The following ABHD5 variants were observed in gnomAD, a reference collection of about 807,000 sequenced individuals.
ABHD5 encodes abhydrolase domain containing 5, lysophosphatidic acid acyltransferase.
In ABHD5, 30 loss-of-function variants were observed where a neutral mutation model predicts 44.9. The ratio of observed to expected loss-of-function variants is 0.67; its 90% confidence interval spans 0.50 to 0.91. ABHD5 has a LOEUF of 0.91. Among genes scored for constraint, ABHD5 ranks in the 40% least tolerant of loss-of-function variants. The pLI is 0.00. For synonymous variants in ABHD5, 167 were observed against 147.0 expected, an observed-to-expected ratio of 1.14 and a Z score of -0.99; for missense variants, 399 against 423.4, an observed-to-expected ratio of 0.94 and a Z score of 0.50.
Position 43,730,643 on chromosome 3 carries a change from C to T in ABHD5, c.*30-3237C>T, listed in dbSNP as rs567399059. Reference sequence around the variant, plus strand: ...CCCTCAGCCTCCTGAGTAGCTAGGACCATAGGCACATGTCACCACATCTGG... The same window carrying T: ...CCCTCAGCCTCCTGAGTAGCTAGGATCATAGGCACATGTCACCACATCTGG... On this transcript the variant is annotated intron_variant, in intron 7 of 7. Transcript: ENST00000454293. Among the ~76,000 whole-genome samples the T allele has an allele frequency of 4.4e-4, 67 of 151,732 alleles. 3 individuals are homozygous for T. In the South Asian group the frequency reaches 0.01, roughly 24 times the overall value.
chr3:43,730,499 CTTTTTTTTT>C (rs68058215), intron 7 of ABHD5, among the ~76,000 whole-genome samples: 8 of 68,972 alleles, frequency 1.2e-4, no homozygotes, highest in African/African-American at 1.7e-4. Flanking sequence ...AAAATAATCC[CTTTTTTTTT>C]TTTTTTTTTT....
chr3:43,702,525 CT>C lies in ABHD5; in HGVS notation c.446del (p.Leu149CysfsTer6). ...GTGCCCTAGGATTGGACAAAATGAT[CT>C]TGCTTGGGCACAACCTAGGTGGATT... The part of the protein sequence containing the change: ...RCALGLDKMI[L>X]LGHNLGGFLA... On this transcript the variant is annotated frameshift_variant, in exon 3 of 7. Transcript: ENST00000644371. LOFTEE classifies it high-confidence loss of function. The C allele has an allele frequency of 1.2e-6, 2 of 1,614,194 alleles. No individual in the cohort carries two copies. Among genetic ancestry groups the C allele is most frequent in the Non-Finnish European group, 1.7e-6 (2 of 1,180,036 alleles).
intron 3 of ABHD5, among the ~76,000 whole-genome samples, chr3:43,711,440 C>T (rs1416852885): frequency 6.6e-6 from 1 of 152,146 alleles, no homozygotes; most frequent in Non-Finnish European, 1.5e-5. Context: ...TCAAGAAACA[C>T]ACAGTTCTGT....
intron 5 of ABHD5, 31 bp from the exon 6 acceptor site, chr3:43,717,640 A>T (rs1288037749): frequency 1.9e-6 from 3 of 1,612,464 alleles, no homozygotes; most frequent in Non-Finnish European, 2.5e-6. Context: ...CCCAAAAATC[A>T]TACATCGTGA....
At chr3:43,732,250 A>G (rs1697248835) in intron 7 of ABHD5, among the ~76,000 whole-genome samples, 2 of 151,998 alleles carry the variant, frequency 1.3e-5, no homozygotes. Context: ...GGCCAACATG[A>G]TGAAACCTTG....
At chr3:43,727,400 A>G (rs1363040980), downstream of ABHD5, among the ~76,000 whole-genome samples, 3 of 152,244 alleles carry the variant, frequency 2.0e-5, no homozygotes, top group Non-Finnish European at 2.9e-5. Context: ...GACTTTGAGA[A>G]TAAGTCTTTT....
At chr3:43,726,531 C>T (rs967302888), downstream of ABHD5, among the ~76,000 whole-genome samples, 1 of 152,176 alleles carries the variant, frequency 6.6e-6, no homozygotes, top group African/African-American at 2.4e-5. Flanking sequence ...ATGGCGTCTT[C>T]CTTATCAAAG....
chr3:43,695,147 TC>T (rs1197173097), intron 1 of ABHD5: 1 of 152,216 alleles, frequency 6.6e-6, no homozygotes, highest in Non-Finnish European at 1.5e-5. Context: ...CACCTCAGCC[TC>T]CCAAAGTACG....
chr3:43,729,493 A>G (rs2084899289), intron 7 of ABHD5, among the ~76,000 whole-genome samples: 1 of 152,224 alleles, frequency 6.6e-6, no homozygotes, highest in Non-Finnish European at 1.5e-5. Flanking sequence ...TGAAGCCCAG[A>G]GAGGTTAAGT....
chr3:43,709,699 C>A (rs981662107), intron 3 of ABHD5, among the ~76,000 whole-genome samples: 1 of 152,086 alleles, frequency 6.6e-6, no homozygotes, highest in African/African-American at 2.4e-5. Context: ...TACTCATACC[C>A]CTGTTAGGCC....
intron 3 of ABHD5, among the ~76,000 whole-genome samples, chr3:43,705,498 G>A (rs978081333): frequency 6.6e-6 from 1 of 152,150 alleles, no homozygotes; most frequent in African/African-American, 2.4e-5. Flanking sequence ...ATATTTTACA[G>A]AATTAAGCAA....
At chr3:43,723,311 C>T (rs1194992986), downstream of ABHD5, among the ~76,000 whole-genome samples, 12 of 151,920 alleles carry the variant, frequency 7.9e-5, no homozygotes, top group Non-Finnish European at 1.8e-4. Context: ...ATCAAGTTAC[C>T]CTGATAAGGG....
At chr3:43,715,687 C>T (rs1428343219) in intron 5 of ABHD5, among the ~76,000 whole-genome samples, 1 of 151,988 alleles carries the variant, frequency 6.6e-6, no homozygotes, top group East Asian at 1.9e-4. Flanking sequence ...TTGGGCATCT[C>T]CAAGAGATGG....
chr3:43,697,520 T>TA (rs1170400329), intron 1 of ABHD5, among the ~76,000 whole-genome samples: 1 of 152,206 alleles, frequency 6.6e-6, no homozygotes, highest in Non-Finnish European at 1.5e-5. Context: ...GCTTCACCTT[T>TA]AACCTCTAAA....
chr3:43,723,666 A>G (rs546552986), downstream of ABHD5, among the ~76,000 whole-genome samples: 1 of 152,358 alleles, frequency 6.6e-6, no homozygotes, highest in East Asian at 1.9e-4. Context: ...CAGGAGATTG[A>G]AAAGCACGTT....
chr3:43,693,989 C>G (rs2084437320), intron 1 of ABHD5, among the ~76,000 whole-genome samples: 1 of 151,984 alleles, frequency 6.6e-6, no homozygotes, highest in South Asian at 2.1e-4. Flanking sequence ...TTTTACCTTC[C>G]TGCTCCTAAA....
rs868447486 is a variant in ABHD5, at chr3:43,690,941, C to T, written c.-52C>T. ...CCGCGCCAGCCCGGGGCGGCCCAGT[C>T]GGCCTGTCAGCCGGCTTCGAGATAA... On this transcript the variant is annotated 5_prime_UTR_variant, in exon 1 of 7. Coordinates refer to ENST00000644371, the MANE Select transcript of ABHD5 (RefSeq NM_016006.6). 8 of 1,537,918 alleles carry T rather than the reference C, an allele frequency of 5.2e-6. No homozygotes were observed. The Middle Eastern group carries it at 9.2e-4, about 177-fold the overall frequency.
chr3:43,692,903 G>A (rs934472219), intron 1 of ABHD5, among the ~76,000 whole-genome samples: 3 of 152,184 alleles, frequency 2.0e-5, no homozygotes, highest in East Asian at 3.8e-4. Context: ...GGTTTAGATA[G>A]GGAGATAACA....
chr3:43,731,228 A>G (rs530071573), intron 7 of ABHD5, among the ~76,000 whole-genome samples: 2 of 152,196 alleles, frequency 1.3e-5, no homozygotes, highest in East Asian at 1.9e-4. Context: ...TATAATTTCA[A>G]CCTCCTAAGA....
Sources: allele counts gnomAD v4.1 joint callset (sites outside exome capture counted in the v4.1 genomes callset), GRCh38; gene constraint gnomAD v4.1.1; transcripts MANE v1.5; gene names NCBI Gene and HGNC (gene_info 2026-07-23, HGNC 2026-07-21).